The following ASTN2 variants were observed in gnomAD, a reference collection of about 807,000 sequenced individuals.
ASTN2 encodes astrotactin 2.
In ASTN2, 54 loss-of-function variants were observed where a neutral mutation model predicts 139.8. That is an observed-to-expected ratio of 0.39 (90% confidence interval 0.31 to 0.48). The LOEUF (loss-of-function observed/expected upper bound fraction) is 0.48, where lower values mean the gene tolerates loss of function less well. Among genes scored for constraint, ASTN2 ranks in the 20% least tolerant of loss-of-function variants. The probability of loss-of-function intolerance (pLI) is 0.95; values close to 1 mark genes in which losing one functional copy is unlikely to be tolerated. For synonymous variants in ASTN2, 756 were observed against 719.5 expected (o/e 1.05, Z -0.81); for missense variants, 1,565 against 1,725.1 (o/e 0.91, Z 1.64).
In ASTN2 at chr9:117,039,914, C is replaced by T; in HGVS notation, c.1328G>A (p.Ser443Asn). 3 of 1,613,846 alleles carry T rather than the reference C, an allele frequency of 1.9e-6. No individual in the cohort carries two copies. The highest frequency in any genetic ancestry group is 2.2e-5 in the East Asian group (1 of 44,794). The change falls in exon 6 of 23, where the codon AGT becomes AAT. Residue 443 changes from serine to asparagine, a missense_variant. Transcript: ENST00000313400. ...ACACACCATGGCCAGGATGCAGGAA[C>T]TCACAGCAATCAGTGTCAGGGCTGT... Reference protein sequence around the residue: ...NKTALTLIAVSSCILAMVCGS... With the variant: ...NKTALTLIAVNSCILAMVCGS...
Position 117,267,080 on chromosome 9 carries a change from T to G in ASTN2, c.630+24246A>C, listed in dbSNP as rs140397085. Among the ~76,000 whole-genome samples, 315 of 152,352 alleles carry G rather than the reference T, an allele frequency of 2.1e-3. 3 individuals are homozygous for G. The highest frequency in any genetic ancestry group is 7.0e-3 in the African/African-American group (291 of 41,584). On this transcript the variant is annotated intron_variant, in intron 2 of 22. Transcript: ENST00000313400. Reference sequence around the variant, plus strand: ...AGTCGGTTGATACCATGTACCAGGATGGAATGAGAAGAGCACTTCATCTTT... The same window carrying G: ...AGTCGGTTGATACCATGTACCAGGAGGGAATGAGAAGAGCACTTCATCTTT...
intron 19 of ASTN2, among the ~76,000 whole-genome samples, chr9:116,522,719 G>A (rs1246138898): frequency 6.6e-6 from 1 of 152,076 alleles, no homozygotes; most frequent in East Asian, 1.9e-4. Context: ...AGAGGAAGAA[G>A]AATTGTCAGC....
intron 19 of ASTN2, among the ~76,000 whole-genome samples, chr9:116,566,658 G>T (rs1853248881): frequency 6.6e-6 from 1 of 152,172 alleles, no homozygotes; most frequent in African/African-American, 2.4e-5. Context: ...CTAATCAAGA[G>T]CCCTAGTCTG....
In ASTN2 at chr9:116,487,407, C is replaced by G; in HGVS notation, c.3449G>C (p.Ser1150Thr). Residue 1150 changes from serine (S) to threonine (T), a missense_variant, in exon 20 of 23, where the codon AGT becomes ACT. By Grantham distance (58) the Ser-to-Thr change is moderately conservative (BLOSUM62 1). Around this residue, in one of 4 missense-constraint regions of ASTN2, gnomAD observed 418 missense variants for 465.8 expected, o/e 0.90. Transcript: ENST00000313400. ...GRSHGEVPEVSIYSVIFKCLE... is the reference protein window; with the variant it reads ...GRSHGEVPEVTIYSVIFKCLE... ...ACACTTGAAGATGACTGAGTAGATA[C>G]TGACTTCAGGGACCTCTCCATGGCT... The G allele has an allele frequency of 1.2e-6, 2 of 1,614,082 alleles. No individual in the cohort carries two copies. The highest frequency in any genetic ancestry group is 1.7e-6 in the Non-Finnish European group (2 of 1,179,978).
intron 1 of ASTN2, among the ~76,000 whole-genome samples, chr9:117,345,917 G>A (rs552964478): frequency 2.0e-4 from 30 of 146,374 alleles, no homozygotes; most frequent in African/African-American, 7.5e-4. Context: ...AATTAGTTCT[G>A]TCTATCCACT....
chr9:117,335,045 A>C (rs1828838975), intron 1 of ASTN2, among the ~76,000 whole-genome samples: 1 of 152,112 alleles, frequency 6.6e-6, no homozygotes, highest in South Asian at 2.1e-4. Flanking sequence ...ACAGAGTGAG[A>C]CTCTGTCTCA....
At chr9:116,726,958 G>A (rs959195471) in intron 15 of ASTN2, among the ~76,000 whole-genome samples, 3 of 151,394 alleles carry the variant, frequency 2.0e-5, no homozygotes, top group Admixed American at 6.6e-5. Context: ...TATTTATCCT[G>A]AATGTGACCT....
In ASTN2 at chr9:117,072,557, A is replaced by G. The variant is rs147869131; in HGVS notation, c.1276+23487T>C. 2.8e-3 allele frequency among the ~76,000 whole-genome samples: 429 copies of G among 152,280 alleles called. 3 individuals carry two copies. Among genetic ancestry groups the G allele is most frequent in the African/African-American group, 9.6e-3 (401 of 41,566 alleles). On this transcript the variant is annotated intron_variant, in intron 5 of 22. Coordinates refer to ENST00000313400, the MANE Select transcript of ASTN2 (RefSeq NM_001365068.1). ...AATCAAGGATAGAGGAAGGAGAAAG[A>G]CAATGGAATCGTCAATTTGAACAGA...
chr9:116,679,490 T>C (rs542799072), intron 16 of ASTN2, among the ~76,000 whole-genome samples: 6 of 152,264 alleles, frequency 3.9e-5, no homozygotes, highest in African/African-American at 1.4e-4. Context: ...TTAGTATATG[T>C]TATCAGTAAT....
chr9:116,856,563 CT>C (rs1832747321), intron 11 of ASTN2, among the ~76,000 whole-genome samples: 1 of 152,202 alleles, frequency 6.6e-6, no homozygotes, highest in South Asian at 2.1e-4. Context: ...TCTCTCTCCC[CT>C]ACTGAACCAG....
intron 13 of ASTN2, among the ~76,000 whole-genome samples, chr9:116,803,509 TATATATATATATA>T (rs1195487484): frequency 0.027 from 216 of 7,996 alleles, 1 homozygote; most frequent in Non-Finnish European, 0.036. Context: ...TATATATATA[TATATATATATATA>T]TTTTTTTTTT....
intron 3 of ASTN2, chr9:117,180,880 T>A: frequency 1.3e-6 from 2 of 1,580,754 alleles, no homozygotes; most frequent in Non-Finnish European, 1.7e-6. Context: ...AAACTTGAAC[T>A]TGGCCCTGCG....
chr9:117,379,568 T>A (rs946656008), intron 1 of ASTN2, among the ~76,000 whole-genome samples: 2 of 152,174 alleles, frequency 1.3e-5, no homozygotes, highest in Non-Finnish European at 2.9e-5. Context: ...GGAGGAATAA[T>A]AAAATGTAAT....
intron 19 of ASTN2, among the ~76,000 whole-genome samples, chr9:116,497,367 AC>A (rs1849701089): frequency 6.6e-6 from 1 of 152,062 alleles, no homozygotes. Context: ...GTTATCGAAC[AC>A]CCTCTAGGCG....
chr9:116,757,697 C>A lies in ASTN2; in HGVS notation c.2397-24174G>T, dbSNP rs550375424. Among the ~76,000 whole-genome samples the A allele has an allele frequency of 5.3e-5, 8 of 152,184 alleles. No individual in the cohort carries two copies. In the East Asian group the frequency reaches 5.8e-4, roughly 11 times the overall value. ...CTGCAAATTCTATCATTAGTTGCTC[C>A]ACAGAATATTTATCTTCCCAGAACA... On this transcript the variant is annotated intron_variant, in intron 13 of 22. Coordinates refer to ENST00000313400, the MANE Select transcript of ASTN2 (RefSeq NM_001365068.1).
intron 3 of ASTN2, among the ~76,000 whole-genome samples, chr9:117,210,406 C>T (rs1379178243): frequency 6.6e-6 from 1 of 151,944 alleles, no homozygotes; most frequent in African/African-American, 2.4e-5. Flanking sequence ...CAAATAAATA[C>T]AAAGTCAAAG....
At chr9:117,146,707 G>A (rs370037931) in intron 3 of ASTN2, among the ~76,000 whole-genome samples, 3 of 152,116 alleles carry the variant, frequency 2.0e-5, no homozygotes, top group African/African-American at 2.4e-5. Flanking sequence ...AGTGTATACC[G>A]CTCGGGCAAT....
intron 1 of ASTN2, among the ~76,000 whole-genome samples, chr9:117,351,617 A>G (rs1403682836): frequency 6.6e-6 from 1 of 152,200 alleles, no homozygotes; most frequent in East Asian, 1.9e-4. Flanking sequence ...TACAAAATGA[A>G]AAGGCTTCTC....
At chr9:116,882,363 A>G (rs1036705031) in intron 10 of ASTN2, among the ~76,000 whole-genome samples, 1 of 152,204 alleles carries the variant, frequency 6.6e-6, no homozygotes, top group African/African-American at 2.4e-5. Flanking sequence ...TTGTATCTGA[A>G]ATTTTGAACC....
Sources: gnomAD v4.1 joint callset for allele counts (sites outside exome capture counted in the v4.1 genomes callset) on GRCh38, gnomAD v4.1.1 for gene constraint, gnomAD v4.1.1 regional missense constraint, MANE v1.5 for transcripts, NCBI Gene and HGNC (gene_info 2026-07-23, HGNC 2026-07-21) for gene names.